Variants in ESRRG observed in about 807,000 individuals in gnomAD.
ESRRG encodes estrogen related receptor gamma.
A neutral mutation model predicts 44.0 loss-of-function variants in ESRRG; 13 were observed. The ratio of observed to expected loss-of-function variants is 0.30; its 90% CI spans 0.19 to 0.47. The LOEUF (loss-of-function observed/expected upper bound fraction) is 0.47, where lower values mean the gene tolerates loss of function less well. Among genes scored for constraint, ESRRG ranks in the 20% least tolerant of loss-of-function variants. The pLI is 1.00. For missense variants in ESRRG, 395 were observed against 580.6 expected (o/e 0.68, Z 3.29); for synonymous variants, 215 against 214.6 (o/e 1.00, Z -0.02).
intron 1 of ESRRG, among the ~76,000 whole-genome samples, chr1:217,074,732 C>T (rs1458230084): frequency 6.6e-6 from 1 of 152,042 alleles, no homozygotes; most frequent in African/African-American, 2.4e-5. Context: ...ATGATTGTGC[C>T]ACTGCACTCC....
intron 1 of ESRRG, among the ~76,000 whole-genome samples, chr1:216,688,087 A>G (rs1214756115): frequency 6.6e-6 from 1 of 151,704 alleles, no homozygotes; most frequent in Non-Finnish European, 1.5e-5. Context: ...CCTGAGAGAT[A>G]TTATGAAAAT....
intron 1 of ESRRG, among the ~76,000 whole-genome samples, chr1:217,135,786 G>A (rs779101813): frequency 3.3e-4 from 51 of 152,330 alleles, no homozygotes; most frequent in South Asian, 6.2e-4. Flanking sequence ...GCGCCTCCGG[G>A]ATCGCTCTCA....
At chr1:216,736,511 A>G (rs1203972389) in intron 2 of ESRRG, among the ~76,000 whole-genome samples, 1 of 152,018 alleles carries the variant, frequency 6.6e-6, no homozygotes, top group Admixed American at 6.6e-5. Flanking sequence ...TGTGATATTT[A>G]TCCCCTCAAG....
At chr1:216,656,524 C>G (rs2070633135) in intron 2 of ESRRG, among the ~76,000 whole-genome samples, 1 of 152,178 alleles carries the variant, frequency 6.6e-6, no homozygotes, top group Non-Finnish European at 1.5e-5. Context: ...AATCTTGCAG[C>G]TAGCTGGCGG....
At chr1:216,956,693 T>C (rs1435194831) in intron 1 of ESRRG, among the ~76,000 whole-genome samples, 2 of 152,186 alleles carry the variant, frequency 1.3e-5, no homozygotes, top group African/African-American at 2.4e-5. Context: ...ATAATGTCAT[T>C]GTGTACGAAG....
chr1:216,776,773 C>A (rs1415310353), intron 2 of ESRRG, among the ~76,000 whole-genome samples: 1 of 152,112 alleles, frequency 6.6e-6, no homozygotes, highest in Non-Finnish European at 1.5e-5. Flanking sequence ...CAAGACCCCC[C>A]AGTCCTGATC....
At chr1:216,954,674 G>A (rs987069066) in intron 1 of ESRRG, among the ~76,000 whole-genome samples, 3 of 152,134 alleles carry the variant, frequency 2.0e-5, no homozygotes, top group African/African-American at 7.2e-5. Flanking sequence ...TATGTATAAT[G>A]TATGCCTCAG....
chr1:216,656,692 C>A (rs796333998), intron 2 of ESRRG, among the ~76,000 whole-genome samples: 37 of 152,228 alleles, frequency 2.4e-4, no homozygotes, highest in African/African-American at 8.7e-4. Context: ...TATGTCAAAT[C>A]TTTATTCCTG....
chr1:217,043,891 T>A (rs2084343566), intron 1 of ESRRG, among the ~76,000 whole-genome samples: 1 of 151,404 alleles, frequency 6.6e-6, no homozygotes, highest in Non-Finnish European at 1.5e-5. Flanking sequence ...TTCAGTCTCA[T>A]CCCTTCCCTA....
At chr1:216,794,961 C>G (rs540127511) in intron 2 of ESRRG, among the ~76,000 whole-genome samples, 1 of 152,266 alleles carries the variant, frequency 6.6e-6, no homozygotes, top group African/African-American at 2.4e-5. Context: ...CAACTAAATA[C>G]AGCTCAGGAA....
intron 2 of ESRRG, among the ~76,000 whole-genome samples, chr1:216,814,002 T>A (rs1480318475): frequency 6.6e-6 from 1 of 152,204 alleles, no homozygotes; most frequent in Non-Finnish European, 1.5e-5. Context: ...AATGCCTGCT[T>A]TCCTGCCTGC....
At chr1:216,990,329 A>C (rs1213943662) in intron 1 of ESRRG, among the ~76,000 whole-genome samples, 1 of 152,224 alleles carries the variant, frequency 6.6e-6, no homozygotes, top group Non-Finnish European at 1.5e-5. Flanking sequence ...AATTTCAAAA[A>C]TATTTTTTTA....
chr1:216,969,828 G>A (rs189668001), intron 1 of ESRRG, among the ~76,000 whole-genome samples: 10 of 152,124 alleles, frequency 6.6e-5, no homozygotes, highest in Admixed American at 2.6e-4. Flanking sequence ...CAGGTGATCC[G>A]CCCACCTCAG....
intron 2 of ESRRG, among the ~76,000 whole-genome samples, chr1:216,824,174 C>A (rs1821787): frequency 6.6e-6 from 1 of 151,950 alleles, no homozygotes; most frequent in Non-Finnish European, 1.5e-5. Context: ...AGGCTGGGCA[C>A]GGTGGCTCAT....
intron 1 of ESRRG, among the ~76,000 whole-genome samples, chr1:217,033,943 T>C (rs1377090840): frequency 2.6e-5 from 4 of 152,218 alleles, no homozygotes; most frequent in African/African-American, 9.6e-5. Flanking sequence ...GGCAGTGAGA[T>C]TGGAGCCGAG....
chr1:216,574,723 AG>A lies in ESRRG; in HGVS notation c.590-6626del, dbSNP rs569806229. Among the ~76,000 whole-genome samples the A allele has an allele frequency of 2.7e-3, 411 of 152,292 alleles. 2 individuals are homozygous for A. Among genetic ancestry groups the A allele is most frequent in the African/African-American group, 9.5e-3 (395 of 41,570 alleles). On this transcript the variant is annotated intron_variant, in intron 3 of 6. Coordinates refer to ENST00000408911, the MANE Select transcript of ESRRG (RefSeq NM_001438.4). The stretch of plus-strand genomic sequence containing the variant: ...CATTAAAGTAATAATAATTTTGAAA[AG>A]ATCGTTAATGAACACTACAATAAGC...
At chr1:216,657,101 C>T (rs954303969) in intron 2 of ESRRG, among the ~76,000 whole-genome samples, 1 of 152,124 alleles carries the variant, frequency 6.6e-6, no homozygotes, top group African/African-American at 2.4e-5. Context: ...AGTGATCTAA[C>T]TTTCCTTTTT....
chr1:216,798,457 G>A (rs1484618201), intron 2 of ESRRG, among the ~76,000 whole-genome samples: 1 of 152,186 alleles, frequency 6.6e-6, no homozygotes, highest in African/African-American at 2.4e-5. Context: ...CTATAGTACA[G>A]TGAACAAGGG....
chr1:216,783,328 T>C (rs1203811724), intron 2 of ESRRG, among the ~76,000 whole-genome samples: 1 of 152,176 alleles, frequency 6.6e-6, no homozygotes, highest in East Asian at 1.9e-4. Flanking sequence ...ATGCGAGATG[T>C]TTGTGAGAGC....
Sources: gnomAD v4.1 joint callset for allele counts (sites outside exome capture counted in the v4.1 genomes callset) on GRCh38, gnomAD v4.1.1 for gene constraint, MANE v1.5 for transcripts, NCBI Gene and HGNC (gene_info 2026-07-23, HGNC 2026-07-21) for gene names.